Variants in NALF1 observed in about 807,000 individuals in gnomAD.
NALF1 encodes family with sequence similarity 155 member A.
In NALF1, 3 loss-of-function variants were observed where a neutral mutation model predicts 48.4. The observed-to-expected ratio is 0.06, with a 90% CI of 0.03 to 0.16. The LOEUF (loss-of-function observed/expected upper bound fraction) is 0.16, where lower values mean the gene tolerates loss of function less well. NALF1 is among the 10% of genes least tolerant of loss of function. The pLI is 1.00. For synonymous variants in NALF1, 262 were observed against 245.7 expected, an observed-to-expected ratio of 1.07 and a Z score of -0.62; for missense variants, 526 against 571.5, an observed-to-expected ratio of 0.92 and a Z score of 0.81.
At chr13:107,619,263 A>T (rs753526732) in intron 1 of NALF1, among the ~76,000 whole-genome samples, 1 of 152,052 alleles carries the variant, frequency 6.6e-6, no homozygotes, top group South Asian at 2.1e-4. Flanking sequence ...AGATGTGATG[A>T]TTCCTCTTTT....
chr13:107,316,014 A>T (rs1010589447), intron 1 of NALF1, among the ~76,000 whole-genome samples: 42 of 152,160 alleles, frequency 2.8e-4, no homozygotes, highest in Admixed American at 2.5e-3. Context: ...TGTCATTTAC[A>T]TTAGGTATAT....
intron 1 of NALF1, among the ~76,000 whole-genome samples, chr13:107,504,420 T>TAAA (rs1326066973): frequency 3.3e-5 from 5 of 152,082 alleles, no homozygotes; most frequent in Non-Finnish European, 7.4e-5. Flanking sequence ...TAAATAGATT[T>TAAA]AAGCCGCTCT....
intron 1 of NALF1, among the ~76,000 whole-genome samples, chr13:107,696,638 TTAA>T (rs1362600268): frequency 6.6e-6 from 1 of 152,098 alleles, no homozygotes; most frequent in Non-Finnish European, 1.5e-5. Flanking sequence ...ATCAGAATTA[TTAA>T]TGTTTTACAA....
At chr13:107,477,864 C>G (rs564740311) in intron 1 of NALF1, among the ~76,000 whole-genome samples, 2 of 152,152 alleles carry the variant, frequency 1.3e-5, no homozygotes, top group Admixed American at 1.3e-4. Flanking sequence ...CAAGCCATTC[C>G]TTCGAAAAGT....
intron 1 of NALF1, among the ~76,000 whole-genome samples, chr13:107,609,801 A>G (rs1433957924): frequency 6.6e-6 from 1 of 152,226 alleles, no homozygotes; most frequent in African/African-American, 2.4e-5. Flanking sequence ...GATAAAATAA[A>G]TGCATGTATA....
chr13:107,453,949 A>G (rs1334141199), intron 1 of NALF1, among the ~76,000 whole-genome samples: 1 of 152,168 alleles, frequency 6.6e-6, no homozygotes, highest in Admixed American at 6.5e-5. Context: ...AACAAGGGCA[A>G]AATGCCACCA....
At chr13:107,393,543 G>A (rs1204474754) in intron 1 of NALF1, among the ~76,000 whole-genome samples, 1 of 152,272 alleles carries the variant, frequency 6.6e-6, no homozygotes, top group East Asian at 1.9e-4. Flanking sequence ...TGGGGAAGGA[G>A]ATGTTATTTA....
chr13:107,472,640 GC>G (rs1885119064), intron 1 of NALF1, among the ~76,000 whole-genome samples: 1 of 152,148 alleles, frequency 6.6e-6, no homozygotes, highest in African/African-American at 2.4e-5. Flanking sequence ...GATGCTTCCT[GC>G]CCTTGAACAT....
At chr13:107,176,161 C>A (rs140127137) in intron 2 of NALF1, among the ~76,000 whole-genome samples, 69 of 152,276 alleles carry the variant, frequency 4.5e-4, no homozygotes, top group Non-Finnish European at 7.4e-4. Context: ...CTTGCACAAA[C>A]AAGTACAATT....
intron 1 of NALF1, among the ~76,000 whole-genome samples, chr13:107,646,497 C>T (rs1880317842): frequency 1.3e-5 from 2 of 152,054 alleles, no homozygotes; most frequent in Non-Finnish European, 2.9e-5. Flanking sequence ...TATTGTTTTT[C>T]CTTCTTATCC....
intron 1 of NALF1, among the ~76,000 whole-genome samples, chr13:107,829,184 C>A (rs1017687931): frequency 2.6e-5 from 4 of 152,154 alleles, no homozygotes; most frequent in Non-Finnish European, 5.9e-5. Flanking sequence ...GAAGAAAGCA[C>A]TTTGGAGGAT....
At chr13:107,327,826 T>G (rs1882392452) in intron 1 of NALF1, among the ~76,000 whole-genome samples, 1 of 152,224 alleles carries the variant, frequency 6.6e-6, no homozygotes. Context: ...TGGGTGACTC[T>G]ATAAACCTTT....
At chr13:107,312,431 G>C (rs1012642544) in intron 1 of NALF1, among the ~76,000 whole-genome samples, 37 of 152,018 alleles carry the variant, frequency 2.4e-4, no homozygotes, top group Non-Finnish European at 1.0e-4. Flanking sequence ...GTGGGGTGGG[G>C]GAAGGGGGGA....
intron 1 of NALF1, among the ~76,000 whole-genome samples, chr13:107,665,381 G>C (rs947224437): frequency 1.3e-5 from 2 of 152,130 alleles, no homozygotes; most frequent in African/African-American, 4.8e-5. Context: ...TCAGTATCAT[G>C]ATAGTTCTTA....
intron 1 of NALF1, among the ~76,000 whole-genome samples, chr13:107,575,932 T>C (rs1347452281): frequency 6.6e-6 from 1 of 151,440 alleles, no homozygotes; most frequent in Non-Finnish European, 1.5e-5. Context: ...TTTATATGTG[T>C]GCATGTGTGT....
chr13:107,344,955 T>C (rs1882746723), intron 1 of NALF1, among the ~76,000 whole-genome samples: 1 of 152,116 alleles, frequency 6.6e-6, no homozygotes, highest in African/African-American at 2.4e-5. Context: ...AAAAAAATTG[T>C]TAGAACTAAT....
At chr13:107,837,177 C>G (rs1290013586) in intron 1 of NALF1, among the ~76,000 whole-genome samples, 1 of 152,126 alleles carries the variant, frequency 6.6e-6, no homozygotes, top group African/African-American at 2.4e-5. Context: ...CCCCTTTAAA[C>G]AGGAAGAGCA....
At chr13:107,715,288 C>T (rs911439119) in intron 1 of NALF1, among the ~76,000 whole-genome samples, 4 of 151,820 alleles carry the variant, frequency 2.6e-5, no homozygotes, top group South Asian at 2.1e-4. Flanking sequence ...CAGCAACCTC[C>T]GCCTCCCGGG....
At chr13:107,181,042 T>C (rs550607360) in intron 2 of NALF1, among the ~76,000 whole-genome samples, 1 of 151,818 alleles carries the variant, frequency 6.6e-6, no homozygotes, top group African/African-American at 2.4e-5. Flanking sequence ...TTAAAACCCT[T>C]AATTTGTCTA....
Sources: allele counts gnomAD v4.1 joint callset (sites outside exome capture counted in the v4.1 genomes callset), GRCh38; gene constraint gnomAD v4.1.1; transcripts MANE v1.5; gene names NCBI Gene and HGNC (gene_info 2026-07-23, HGNC 2026-07-21).